Variants in CDK14 observed in about 807,000 individuals in gnomAD.
The protein encoded by CDK14 is cyclin-dependent kinase 14.
In CDK14, 34 loss-of-function variants were observed where a neutral mutation model predicts 60.7. The ratio of observed to expected loss-of-function variants is 0.56; its 90% CI spans 0.43 to 0.75. The LOEUF (loss-of-function observed/expected upper bound fraction) is 0.75, where lower values mean the gene tolerates loss of function less well. CDK14 is among the 30% of genes least tolerant of loss of function. The pLI, the probability that CDK14 is intolerant of heterozygous loss-of-function variation, is 0.00. For synonymous variants in CDK14, 197 were observed against 203.7 expected, an observed-to-expected ratio of 0.97 and a Z score of 0.28; for missense variants, 482 against 564.1, an observed-to-expected ratio of 0.85 and a Z score of 1.47.
At chr7:90,653,370 T>A (rs1018316426) in intron 2 of CDK14, among the ~76,000 whole-genome samples, 2 of 152,148 alleles carry the variant, frequency 1.3e-5, no homozygotes, top group African/African-American at 2.4e-5. Context: ...TTAACAGCTA[T>A]ATAATCAGAT....
chr7:90,950,989 A>G (rs1794241590), intron 8 of CDK14, among the ~76,000 whole-genome samples: 1 of 152,206 alleles, frequency 6.6e-6, no homozygotes, highest in Non-Finnish European at 1.5e-5. Flanking sequence ...TTAATATAGT[A>G]TAAATCCTGT....
rs115059945 is a variant in CDK14 at position 91,197,582 on chromosome 7, C to A, written c.*29-9583C>A. Among the ~76,000 whole-genome samples the A allele has an allele frequency of 5.2e-3, 799 of 152,228 alleles. 5 individuals carry two copies. The highest frequency in any genetic ancestry group is 0.018 in the African/African-American group (748 of 41,540). ...TGAATCATGACTAAAAGGATTAGAA[C>A]TTCTTAAAAATTTGAGTTCACAAAA... is the stretch of plus-strand genomic sequence containing the variant. On this transcript the variant is annotated intron_variant, in intron 14 of 14. Coordinates refer to ENST00000380050, the MANE Select transcript of CDK14 (RefSeq NM_001287135.2).
intron 14 of CDK14, among the ~76,000 whole-genome samples, chr7:91,141,873 T>C (rs2115621070): frequency 6.6e-6 from 1 of 152,118 alleles, no homozygotes; most frequent in East Asian, 1.9e-4. Context: ...TCACCCAGGC[T>C]GGAGTGCAGT....
intron 9 of CDK14, among the ~76,000 whole-genome samples, chr7:90,976,022 T>A (rs1795062344): frequency 1.3e-5 from 2 of 152,152 alleles, no homozygotes; most frequent in Admixed American, 1.3e-4. Context: ...GTCTCTTCAA[T>A]ATACTGATTT....
At chr7:90,698,255 A>G (rs1057173073) in intron 2 of CDK14, among the ~76,000 whole-genome samples, 2 of 152,140 alleles carry the variant, frequency 1.3e-5, no homozygotes, top group Non-Finnish European at 2.9e-5. Flanking sequence ...AAGTGTTTAC[A>G]TGCTCATTTT....
intron 2 of CDK14, among the ~76,000 whole-genome samples, chr7:90,628,408 T>A (rs1799921867): frequency 6.6e-6 from 1 of 152,242 alleles, no homozygotes; most frequent in Admixed American, 6.5e-5. Flanking sequence ...AGGCCATTAC[T>A]GATTCTTAAA....
intron 12 of CDK14, among the ~76,000 whole-genome samples, chr7:91,106,580 A>T (rs140561758): frequency 6.6e-6 from 1 of 152,214 alleles, no homozygotes; most frequent in Admixed American, 6.5e-5. Context: ...AAATAGAAAT[A>T]AAATATTAGA....
At chr7:91,088,073 C>G (rs1384065668) in intron 12 of CDK14, among the ~76,000 whole-genome samples, 4 of 152,152 alleles carry the variant, frequency 2.6e-5, no homozygotes, top group African/African-American at 7.2e-5. Context: ...GATGGATAAC[C>G]CTAAGCCAGA....
At position 90,604,009 on chromosome 7, in the gene CDK14, TA is replaced by T. The variant is rs769573312; in HGVS notation, c.92-203del. Among the ~76,000 whole-genome samples the T allele has an allele frequency of 8.9e-4, 135 of 152,366 alleles. No homozygotes were observed. In the Middle Eastern group the frequency reaches 0.014, roughly 15 times the overall value. On this transcript the variant is annotated intron_variant, in intron 1 of 14. Transcript: ENST00000380050. ...GAGGATAGTTCTATTTGCATATTTA[TA>T]AAAAATATTTCAAAAGATGCATGCT... is the stretch of plus-strand genomic sequence containing the variant.
At chr7:91,154,854 T>C (rs1800938593) in intron 14 of CDK14, among the ~76,000 whole-genome samples, 1 of 152,064 alleles carries the variant, frequency 6.6e-6, no homozygotes, top group Non-Finnish European at 1.5e-5. Context: ...GACAAATCAG[T>C]CATATTTGGT....
At chr7:91,167,837 G>C (rs540829476) in intron 14 of CDK14, among the ~76,000 whole-genome samples, 6 of 152,170 alleles carry the variant, frequency 3.9e-5, no homozygotes, top group African/African-American at 1.4e-4. Flanking sequence ...CTACCACATA[G>C]GGTAAAAAAT....
At chr7:91,186,828 T>A (rs569300135) in intron 14 of CDK14, among the ~76,000 whole-genome samples, 8 of 152,282 alleles carry the variant, frequency 5.3e-5, no homozygotes, top group African/African-American at 1.9e-4. Flanking sequence ...TTGCCGACCC[T>A]ATAAAATCTG....
intron 4 of CDK14, among the ~76,000 whole-genome samples, chr7:90,772,527 A>G (rs1261340889): frequency 3.3e-5 from 5 of 152,160 alleles, no homozygotes; most frequent in African/African-American, 1.2e-4. Context: ...TGTTCTCATG[A>G]TAGTGAGTGA....
chr7:90,910,468 G>A (rs976629986), intron 7 of CDK14, among the ~76,000 whole-genome samples: 1 of 152,122 alleles, frequency 6.6e-6, no homozygotes, highest in Non-Finnish European at 1.5e-5. Flanking sequence ...CTTCTAGGAA[G>A]TTGGATATGT....
intron 5 of CDK14, among the ~76,000 whole-genome samples, chr7:90,811,469 A>C (rs1789109518): frequency 6.6e-6 from 1 of 152,242 alleles, no homozygotes; most frequent in Admixed American, 6.5e-5. Context: ...AAATAATTCA[A>C]GATGGATTAA....
rs538888659 is a variant in CDK14, at chr7:90,736,796, A to G, written c.369+9984A>G. ...AATACTGTGGTAGAAACTATTTTAA[A>G]ATATCATGCCTTCCCAGCCGTATAC... On this transcript the variant is annotated intron_variant, in intron 3 of 14. Transcript: ENST00000380050. 2.0e-5 allele frequency among the ~76,000 whole-genome samples: 3 copies of G among 152,242 alleles called. No individual in the cohort carries two copies. In the South Asian group the frequency reaches 6.2e-4, roughly 32 times the overall value.
chr7:91,182,808 C>T (rs1802045585), intron 14 of CDK14, among the ~76,000 whole-genome samples: 1 of 152,132 alleles, frequency 6.6e-6, no homozygotes, highest in Non-Finnish European at 1.5e-5. Context: ...ATAAGAGATT[C>T]ATATTAGAAA....
chr7:90,863,670 A>ATGTGTGTGTGTGTGTGTGTG (rs111580477), intron 6 of CDK14, among the ~76,000 whole-genome samples: 5,768 of 145,496 alleles, frequency 0.04, 97 homozygotes, highest in Middle Eastern at 0.082. Context: ...TTATTAAGAT[A>ATGTGTGTGTGTGTGTGTGTG]TGTGTGTGTG....
At chr7:91,199,321 T>C (rs1802646163) in intron 14 of CDK14, among the ~76,000 whole-genome samples, 1 of 151,414 alleles carries the variant, frequency 6.6e-6, no homozygotes, top group Non-Finnish European at 1.5e-5. Context: ...TACAATATTA[T>C]ATGTTTTTTT....
Sources: allele counts gnomAD v4.1 joint callset (sites outside exome capture counted in the v4.1 genomes callset), GRCh38; gene constraint gnomAD v4.1.1; transcripts MANE v1.5; gene names NCBI Gene and HGNC (gene_info 2026-07-23, HGNC 2026-07-21).